Variants in DCLK2 observed in about 807,000 individuals in gnomAD.
The protein encoded by DCLK2 is serine/threonine-protein kinase DCLK2.
Under a neutral mutation model 78.4 loss-of-function variants are expected in DCLK2, and 31 were observed. The ratio of observed to expected loss-of-function variants is 0.40; its 90% CI spans 0.30 to 0.53. The LOEUF (loss-of-function observed/expected upper bound fraction) is 0.53. Among genes scored for constraint, DCLK2 ranks in the 20% least tolerant of loss-of-function variants. The pLI, the probability that DCLK2 is intolerant of heterozygous loss-of-function variation, is 0.61. For missense variants in DCLK2, 872 were observed against 973.7 expected (o/e 0.90, Z 1.39); for synonymous variants, 407 against 374.9 (o/e 1.09, Z -0.99).
intron 2 of DCLK2, among the ~76,000 whole-genome samples, chr4:150,110,804 A>G (rs1460767079): frequency 6.6e-6 from 1 of 152,162 alleles, no homozygotes; most frequent in African/African-American, 2.4e-5. Flanking sequence ...GTTGCTGCAG[A>G]AGATATTATT....
At chr4:150,199,842 A>G (rs1739330202) in intron 4 of DCLK2, among the ~76,000 whole-genome samples, 1 of 152,212 alleles carries the variant, frequency 6.6e-6, no homozygotes, top group Non-Finnish European at 1.5e-5. Flanking sequence ...TTATTACATC[A>G]GTAAAAATAA....
rs1017302997 is a variant in DCLK2, at chr4:150,078,895, C to G, written c.-133C>G. The G allele has an allele frequency of 4.9e-6, 6 of 1,219,052 alleles. No homozygotes were observed. Among genetic ancestry groups the G allele is most frequent in the Middle Eastern group, 2.8e-4 (1 of 3,626 alleles). The allele number at this position is 1,219,052 out of a possible 1,614,324, so 75.5% of individuals were successfully genotyped here. A position where few individuals can be genotyped will look rare whatever the true frequency, so the allele number is the denominator to read the frequency against. On this transcript the variant is annotated 5_prime_UTR_variant, in exon 1 of 16. Transcript: ENST00000296550. ...CCGCGGCTCCTCGGCCCCACCTGCG[C>G]GGAGAGGGCGGGATGCCAGAGCCAG... is the stretch of plus-strand genomic sequence containing the variant.
chr4:150,187,471 T>G (rs533030993), intron 2 of DCLK2, among the ~76,000 whole-genome samples: 1 of 152,340 alleles, frequency 6.6e-6, no homozygotes, highest in South Asian at 2.1e-4. Context: ...AGTATTTTGT[T>G]CAAATGTCAC....
intron 1 of DCLK2, among the ~76,000 whole-genome samples, chr4:150,099,509 G>A (rs1730713250): frequency 6.6e-6 from 1 of 152,220 alleles, no homozygotes; most frequent in Non-Finnish European, 1.5e-5. Context: ...GACATTATAA[G>A]ACAAGCTAGC....
intron 2 of DCLK2, among the ~76,000 whole-genome samples, chr4:150,180,520 G>A (rs11947645): frequency 0.027 from 4,166 of 152,244 alleles, 79 homozygotes; most frequent in African/African-American, 0.052. Flanking sequence ...AGTCACATCT[G>A]CTTGAACACG....
intron 2 of DCLK2, among the ~76,000 whole-genome samples, chr4:150,183,709 A>G (rs1007992712): frequency 6.6e-6 from 1 of 151,070 alleles, no homozygotes; most frequent in African/African-American, 2.4e-5. Context: ...GACCCAAGGC[A>G]TTTCTTTTGA....
chr4:150,102,583 C>T lies in DCLK2; in HGVS notation c.527C>T (p.Ala176Val), dbSNP rs142526243. 8.1e-5 allele frequency: 130 copies of T among 1,614,098 alleles called. 1 individual carries two copies. Among genetic ancestry groups the T allele is most frequent in the South Asian group, 5.8e-4 (53 of 91,076 alleles). Reference sequence around the variant, plus strand: ...AACATCAAGGGTGGGACATCCCGAGCGCTGGCTGCTGCCTCCTCTGTGAAA... The same window carrying T: ...AACATCAAGGGTGGGACATCCCGAGTGCTGGCTGCTGCCTCCTCTGTGAAA... The part of the protein sequence containing the change: ...SVNIKGGTSR[A>V]LAAASSVKSE... Residue 176 changes from alanine (A) to valine (V), a missense_variant, in exon 2 of 16, where the codon GCG becomes GTG. Physicochemically the swap from Ala to Val is moderately conservative, Grantham distance 64. This residue lies in a region of DCLK2 where 567 missense variants were observed against 593.4 expected (regional missense o/e 0.96). Transcript: ENST00000296550.
intron 6 of DCLK2, among the ~76,000 whole-genome samples, 165 bp from the exon 7 acceptor site, chr4:150,221,512 A>G (rs576691132): frequency 1.1e-4 from 17 of 152,214 alleles, no homozygotes; most frequent in Non-Finnish European, 2.2e-4. Context: ...TTAAAAGGAA[A>G]TTGGTGATTC....
chr4:150,174,548 GC>G (rs1369293108), intron 2 of DCLK2, among the ~76,000 whole-genome samples: 1 of 152,120 alleles, frequency 6.6e-6, no homozygotes, highest in East Asian at 1.9e-4. Context: ...CTGAGGCCGG[GC>G]ACAGTGGCTC....
At chr4:150,175,188 AATTTATC>A (rs1384439276) in intron 2 of DCLK2, among the ~76,000 whole-genome samples, 1 of 98,216 alleles carries the variant, frequency 1.0e-5, no homozygotes, top group Admixed American at 1.1e-4. Flanking sequence ...ATATATTTAT[AATTTATC>A]TATATATATT....
intron 2 of DCLK2, among the ~76,000 whole-genome samples, chr4:150,168,054 C>A (rs1736227405): frequency 6.6e-6 from 1 of 152,144 alleles, no homozygotes; most frequent in South Asian, 2.1e-4. Flanking sequence ...GTGTAAAACC[C>A]CAAGTCAGGC....
intron 2 of DCLK2, among the ~76,000 whole-genome samples, chr4:150,168,428 A>G (rs1201042713): frequency 6.6e-6 from 1 of 151,836 alleles, no homozygotes; most frequent in Non-Finnish European, 1.5e-5. Flanking sequence ...TTCCAAGTGT[A>G]AAGACTTCCT....
At chr4:150,143,405 A>G (rs1005423816) in intron 2 of DCLK2, among the ~76,000 whole-genome samples, 1 of 152,182 alleles carries the variant, frequency 6.6e-6, no homozygotes, top group Admixed American at 6.6e-5. Context: ...ACACTTTGAG[A>G]GGCCGAGGCT....
rs531066271 is a variant in DCLK2 at position 150,116,886 on chromosome 4, T to C, written c.756+14074T>C. 3.3e-4 allele frequency among the ~76,000 whole-genome samples: 50 copies of C among 152,260 alleles called. 3 individuals are homozygous for C. The South Asian group carries it at 0.01, about 31-fold the overall frequency. On this transcript the variant is annotated intron_variant, in intron 2 of 15. Transcript: ENST00000296550. ...GAGATGCTGTAATGTATTGGCTATG[T>C]TGGTTGACTCCCAGAGTGCAAAAGA...
chr4:150,129,232 G>A (rs1054902053), intron 2 of DCLK2, among the ~76,000 whole-genome samples: 1 of 152,012 alleles, frequency 6.6e-6, no homozygotes, highest in African/African-American at 2.4e-5. Context: ...GGTAACAAAA[G>A]AAAATAATAC....
intron 7 of DCLK2, 63 bp from the exon 8 acceptor site, chr4:150,224,438 G>A: frequency 2.8e-6 from 4 of 1,419,682 alleles, no homozygotes; most frequent in South Asian, 2.7e-5. Context: ...AAAAAAGAAA[G>A]AAAACAGGAA....
At chr4:150,240,987 A>G (rs1742889685) in intron 12 of DCLK2, among the ~76,000 whole-genome samples, 1 of 152,156 alleles carries the variant, frequency 6.6e-6, no homozygotes, top group Non-Finnish European at 1.5e-5. Context: ...TTTTCAAATG[A>G]CAGCAAGATT....
At chr4:150,214,349 G>C (rs1740521352) in intron 5 of DCLK2, among the ~76,000 whole-genome samples, 1 of 152,168 alleles carries the variant, frequency 6.6e-6, no homozygotes, top group Non-Finnish European at 1.5e-5. Flanking sequence ...CTTCCTATGT[G>C]ATTCTAAGAT....
chr4:150,100,217 A>C (rs1286049091), intron 1 of DCLK2, among the ~76,000 whole-genome samples: 1 of 152,164 alleles, frequency 6.6e-6, no homozygotes, highest in Non-Finnish European at 1.5e-5. Context: ...CCAGCCTACA[A>C]ATTTTTAATG....
Sources: allele counts gnomAD v4.1 joint callset (sites outside exome capture counted in the v4.1 genomes callset), GRCh38; gene constraint gnomAD v4.1.1; regional missense constraint gnomAD v4.1.1; transcripts MANE v1.5; gene names NCBI Gene and HGNC (gene_info 2026-07-23, HGNC 2026-07-21).